PANX1: variants seen among roughly 807,000 people sequenced by gnomAD.
PANX1 encodes pannexin-1.
In PANX1, 30 loss-of-function variants were observed where a neutral mutation model predicts 38.7. That is an observed-to-expected ratio of 0.78 (90% CI 0.58 to 1.05). PANX1 has a LOEUF of 1.05. Ranked by LOEUF, PANX1 falls within the 50% of genes least tolerant of loss-of-function variation. The probability of loss-of-function intolerance (pLI) is 0.00; values close to 1 mark genes in which losing one functional copy is unlikely to be tolerated. For missense variants in PANX1, 551 were observed against 517.2 expected, an observed-to-expected ratio of 1.07 and a Z score of -0.63; for synonymous variants, 230 against 212.2, an observed-to-expected ratio of 1.08 and a Z score of -0.73.
At chr11:94,164,586 CT>C (rs1184818955) in intron 2 of PANX1, among the ~76,000 whole-genome samples, 1 of 152,130 alleles carries the variant, frequency 6.6e-6, no homozygotes, top group Non-Finnish European at 1.5e-5. Context: ...TTTTTCGAGA[CT>C]TGTTTTGTGG....
intron 1 of PANX1, among the ~76,000 whole-genome samples, chr11:94,134,500 A>G (rs914457092): frequency 6.6e-6 from 1 of 152,208 alleles, no homozygotes; most frequent in African/African-American, 2.4e-5. Context: ...CGCAAAATTC[A>G]TATGTCGAAG....
chr11:94,173,331 G>A (rs557867208), intron 2 of PANX1, among the ~76,000 whole-genome samples: 2 of 151,572 alleles, frequency 1.3e-5, no homozygotes, highest in African/African-American at 2.4e-5. Context: ...TAACCATACA[G>A]TTGGCTTTGA....
intron 2 of PANX1, among the ~76,000 whole-genome samples, chr11:94,159,914 T>C (rs1947002236): frequency 6.6e-6 from 1 of 152,016 alleles, no homozygotes; most frequent in Non-Finnish European, 1.5e-5. Context: ...TCCCAGAGAT[T>C]CTGGTATGTT....
In PANX1 at chr11:94,129,264, G is replaced by A. The variant is rs1946596025; in HGVS notation, c.-49G>A. The A allele has an allele frequency of 1.3e-6, 2 of 1,531,610 alleles. No homozygotes were observed. The highest frequency in any genetic ancestry group is 1.4e-5 in the African/African-American group (1 of 72,554). The allele number at this position is 1,531,610 out of a possible 1,614,324, so 94.9% of individuals were successfully genotyped here. A position where few individuals can be genotyped will look rare whatever the true frequency, so the allele number is the denominator to read the frequency against. ...GGTGAAGGCGCCGCGCAGCTTTCCC[G>A]ACGCCGGCTGTACCCGGACCTCCTG... On this transcript the variant is annotated 5_prime_UTR_variant, in exon 1 of 5. Transcript: ENST00000227638.
intron 2 of PANX1, among the ~76,000 whole-genome samples, chr11:94,164,698 T>C (rs747494651): frequency 6.6e-6 from 1 of 152,260 alleles, no homozygotes; most frequent in Non-Finnish European, 1.5e-5. Context: ...TTAGGTATAT[T>C]TGGCCTACAG....
At chr11:94,153,016 A>G (rs561137775) in intron 1 of PANX1, among the ~76,000 whole-genome samples, 7 of 152,262 alleles carry the variant, frequency 4.6e-5, no homozygotes, top group East Asian at 1.9e-4. Flanking sequence ...TCTATTACCA[A>G]TGTTCCCTTC....
At chr11:94,144,831 TG>T (rs1946808579) in intron 1 of PANX1, among the ~76,000 whole-genome samples, 1 of 152,196 alleles carries the variant, frequency 6.6e-6, no homozygotes, top group Non-Finnish European at 1.5e-5. Context: ...AAGTATTAGC[TG>T]TCTTACTTTA....
intron 1 of PANX1, 97 bp downstream of exon 1, chr11:94,129,590 C>A: frequency 8.9e-7 from 1 of 1,120,466 alleles, no homozygotes; most frequent in Non-Finnish European, 1.3e-6. Flanking sequence ...GTACGCCCAG[C>A]TGTGATGGTC....
intron 1 of PANX1, among the ~76,000 whole-genome samples, chr11:94,140,555 A>G (rs1946750078): frequency 1.3e-5 from 2 of 152,200 alleles, no homozygotes; most frequent in Non-Finnish European, 2.9e-5. Flanking sequence ...TCATGTGACT[A>G]TACCTCAATT....
Position 94,129,389 on chromosome 11 carries a change from A to G in PANX1, c.77A>G (p.Lys26Arg), listed in dbSNP as rs755484915. Residue 26 changes from lysine to arginine, a missense_variant, in exon 1 of 5, where the codon AAG (lysine) becomes AGG (arginine). Physicochemically the swap from Lys to Arg is conservative, Grantham distance 26 (BLOSUM62 2). Transcript: ENST00000227638. ...AAGGAGCCCACGGAGCCCAAGTTCA[A>G]GGGGCTGCGACTGGAGCTGGCTGTG... ...LLKEPTEPKF[K>R]GLRLELAVDK... is the part of the protein sequence containing the mutation. 5 of 1,613,906 alleles carry G rather than the reference A, an allele frequency of 3.1e-6. No individual in the cohort carries two copies. The highest frequency in any genetic ancestry group is 3.4e-6 in the Non-Finnish European group (4 of 1,179,876).
intron 2 of PANX1, among the ~76,000 whole-genome samples, chr11:94,163,226 A>G (rs1265197442): frequency 1.3e-5 from 2 of 152,146 alleles, no homozygotes; most frequent in African/African-American, 4.8e-5. Flanking sequence ...ACTACATGTG[A>G]TATTTTGATA....
At position 94,165,625 on chromosome 11, in the gene PANX1, A is replaced by T. The variant is rs182383236; in HGVS notation, c.321+11995A>T. On this transcript the variant is annotated intron_variant, in intron 2 of 4. Coordinates refer to ENST00000227638, the MANE Select transcript of PANX1 (RefSeq NM_015368.4). ...TATCTTCCGTTTAAAATAATTGGTT[A>T]TGTGGCCGGGCACAGTGGCTCATGC... Among the ~76,000 whole-genome samples, 614 of 152,318 alleles carry T rather than the reference A, an allele frequency of 4.0e-3. 3 individuals are homozygous for T. The highest frequency in any genetic ancestry group is 7.8e-3 in the Admixed American group (119 of 15,306).
At chr11:94,134,355 C>T (rs1402642397) in intron 1 of PANX1, among the ~76,000 whole-genome samples, 1 of 152,092 alleles carries the variant, frequency 6.6e-6, no homozygotes, top group Non-Finnish European at 1.5e-5. Context: ...AATGGCTGGG[C>T]GACAGCTTTG....
chr11:94,143,225 A>C (rs1362578384), intron 1 of PANX1, among the ~76,000 whole-genome samples: 2 of 152,236 alleles, frequency 1.3e-5, no homozygotes. Context: ...GATGATGCAG[A>C]AGGACTTAAT....
intron 2 of PANX1, among the ~76,000 whole-genome samples, chr11:94,154,479 T>C (rs1234360421): frequency 1.3e-5 from 2 of 152,224 alleles, no homozygotes; most frequent in Non-Finnish European, 2.9e-5. Flanking sequence ...GTGAAAACAA[T>C]TAGAATGTGT....
chr11:94,129,666 A>G (rs1211959306), intron 1 of PANX1, among the ~76,000 whole-genome samples, 173 bp downstream of exon 1: 2 of 152,072 alleles, frequency 1.3e-5, no homozygotes, highest in East Asian at 3.9e-4. Flanking sequence ...CAGGTGTTTC[A>G]TTGGTACCCT....
chr11:94,157,554 C>G (rs1946968452), intron 2 of PANX1, among the ~76,000 whole-genome samples: 1 of 152,098 alleles, frequency 6.6e-6, no homozygotes, highest in African/African-American at 2.4e-5. Context: ...AGTGTCTGTT[C>G]ATGTCCTTCG....
In PANX1 at chr11:94,180,138, T is replaced by C. The variant is rs748461463; in HGVS notation, c.1082T>C (p.Ile361Thr). The change falls in exon 4 of 5, where the codon ATC becomes ACC. Residue 361 changes from isoleucine (I) to threonine (T), a missense_variant. Physicochemically the swap from Ile to Thr is moderately conservative, Grantham distance 89 (BLOSUM62 -1). Coordinates refer to ENST00000227638, the MANE Select transcript of PANX1 (RefSeq NM_015368.4). ...LENIKSSGQG[I>T]DPMLLLTNLG... ...AATATTAAGAGCAGTGGTCAGGGGA[T>C]CGACCCAATGCTACTCCTGACAAAC... 3 of 1,613,854 alleles carry C rather than the reference T, an allele frequency of 1.9e-6. No individual in the cohort carries two copies. The highest frequency in any genetic ancestry group is 2.2e-5 in the South Asian group (2 of 91,062).
chr11:94,133,833 C>T (rs1280219763), intron 1 of PANX1, among the ~76,000 whole-genome samples: 1 of 152,174 alleles, frequency 6.6e-6, no homozygotes, highest in African/African-American at 2.4e-5. Flanking sequence ...AACAAGTGCT[C>T]CATAGGAATT....
Sources: gnomAD v4.1 joint callset for allele counts (sites outside exome capture counted in the v4.1 genomes callset) on GRCh38, gnomAD v4.1.1 for gene constraint, MANE v1.5 for transcripts, NCBI Gene and HGNC (gene_info 2026-07-23, HGNC 2026-07-21) for gene names.